IL1RAPL2: variants seen among roughly 807,000 people sequenced by gnomAD.
IL1RAPL2 encodes the protein interleukin 1 receptor accessory protein like 2.
IL1RAPL2 carries 3 observed loss-of-function variants against 44.1 expected under a neutral mutation model. The observed-to-expected ratio is 0.07, with a 90% CI of 0.03 to 0.18. The LOEUF (loss-of-function observed/expected upper bound fraction) is 0.18. Ranked by LOEUF, IL1RAPL2 falls within the 10% of genes least tolerant of loss-of-function variation. IL1RAPL2 has a pLI of 1.00. For missense variants in IL1RAPL2, 391 were observed against 496.4 expected, an observed-to-expected ratio of 0.79 and a Z score of 2.02; for synonymous variants, 181 against 178.8, an observed-to-expected ratio of 1.01 and a Z score of -0.10.
chrX:105,195,821 G>A, intron 3 of IL1RAPL2, 73 bp downstream of exon 3: 1 of 995,493 alleles, frequency 1.0e-6, no homozygotes, highest in Non-Finnish European at 1.4e-6. Context: ...GTACATGTAG[G>A]TATGCCTCAT....
chrX:105,764,742 G>T (rs1232861311), intron 10 of IL1RAPL2, among the ~76,000 whole-genome samples: 1 of 111,064 alleles, frequency 9.0e-6, no homozygotes, highest in African/African-American at 3.3e-5. Flanking sequence ...AGAGGTCGAG[G>T]TTGCAGAGAG....
chrX:105,014,454 C>G (rs1458848691), intron 2 of IL1RAPL2, among the ~76,000 whole-genome samples: 1 of 110,768 alleles, frequency 9.0e-6, no homozygotes, highest in Non-Finnish European at 1.9e-5. Flanking sequence ...CTAATGCTAT[C>G]CCTCCCCTAG....
intron 2 of IL1RAPL2, among the ~76,000 whole-genome samples, chrX:104,919,949 A>G (rs1472020065): frequency 4.5e-5 from 5 of 110,868 alleles, no homozygotes; most frequent in African/African-American, 1.6e-4. Context: ...TGTGACTTGT[A>G]TGTCCTGCAT....
At chrX:105,391,903 C>G (rs1452895291) in intron 5 of IL1RAPL2, among the ~76,000 whole-genome samples, 6 of 85,351 alleles carry the variant, frequency 7.0e-5, no homozygotes, top group Non-Finnish European at 9.0e-5. Flanking sequence ...GAACAAAAAA[C>G]CAAACACCGC....
chrX:105,668,435 T>G (rs996984093), intron 6 of IL1RAPL2, among the ~76,000 whole-genome samples: 4 of 112,691 alleles, frequency 3.5e-5, no homozygotes, highest in African/African-American at 6.5e-5. Flanking sequence ...TTGTCACTAC[T>G]TTTTTGATAA....
intron 2 of IL1RAPL2, among the ~76,000 whole-genome samples, chrX:105,168,653 G>T (rs766464590): frequency 9.0e-6 from 1 of 110,581 alleles, no homozygotes; most frequent in Non-Finnish European, 1.9e-5. Flanking sequence ...CAGAGGAAGA[G>T]CCAATGTTTC....
chrX:104,616,796 C>T (rs1428120955), intron 1 of IL1RAPL2, among the ~76,000 whole-genome samples: 2 of 111,514 alleles, frequency 1.8e-5, no homozygotes, highest in African/African-American at 6.5e-5. Context: ...TAAAAACTCT[C>T]CTCCCTGAAT....
At chrX:104,959,090 C>A (rs1295678586) in intron 2 of IL1RAPL2, among the ~76,000 whole-genome samples, 1 of 110,691 alleles carries the variant, frequency 9.0e-6, no homozygotes, top group Non-Finnish European at 1.9e-5. Flanking sequence ...CAGGGCTTTG[C>A]TTGTACCTCT....
At chrX:104,571,533 A>G (rs1391953269) in intron 1 of IL1RAPL2, among the ~76,000 whole-genome samples, 1 of 111,161 alleles carries the variant, frequency 9.0e-6, no homozygotes, top group Non-Finnish European at 1.9e-5. Context: ...ATCTCACAAG[A>G]TCTGATGGTT....
chrX:105,329,591 A>G (rs1048265678), intron 5 of IL1RAPL2, among the ~76,000 whole-genome samples: 2 of 111,808 alleles, frequency 1.8e-5, no homozygotes, highest in Non-Finnish European at 3.8e-5. Flanking sequence ...TGGGATAAAA[A>G]CTTTCAAATG....
chrX:105,412,209 G>A (rs1379782670), intron 5 of IL1RAPL2, among the ~76,000 whole-genome samples: 2 of 109,242 alleles, frequency 1.8e-5, no homozygotes, highest in East Asian at 5.7e-4. Flanking sequence ...AAAAGAAGAA[G>A]TATCTGACTC....
rs2038718196 is a variant in IL1RAPL2 at position 105,764,994 on chromosome X, G to C, written c.1364-1970G>C. Among the ~76,000 whole-genome samples, 3 of 110,967 alleles carry C rather than the reference G, an allele frequency of 2.7e-5. No homozygotes were observed. In the South Asian group the frequency reaches 1.1e-3, roughly 42 times the overall value. On this transcript the variant is annotated intron_variant, in intron 10 of 10. Coordinates refer to ENST00000372582, the MANE Select transcript of IL1RAPL2 (RefSeq NM_017416.2). ...ACAATACTACTCAAAGTAACCCCTT[G>C]GTAAATTATTTTGTGAAGAATGATT...
Position 105,079,255 on chromosome X carries a change from G to A in IL1RAPL2, c.83-116220G>A, listed in dbSNP as rs776333683. Among the ~76,000 whole-genome samples, 301 of 111,469 alleles carry A rather than the reference G, an allele frequency of 2.7e-3. 2 individuals are homozygous for A. The highest frequency in any genetic ancestry group is 9.6e-3 in the African/African-American group (295 of 30,680). ...ATTAGTTCAACCATTGTGGAAGACA[G>A]TGTGGAGATTCCTCAAGGATCTAGA... On this transcript the variant is annotated intron_variant, in intron 2 of 10. Transcript: ENST00000372582.
At chrX:104,989,746 AG>A (rs931721336) in intron 2 of IL1RAPL2, among the ~76,000 whole-genome samples, 3 of 108,840 alleles carry the variant, frequency 2.8e-5, no homozygotes, top group African/African-American at 1.1e-4. Context: ...GCACAATAAA[AG>A]GTAAAAAAAA....
rs199924875 is a variant in IL1RAPL2, at chrX:104,916,647, T to A, written c.82+257652T>A. ...AGAGAGGGCATCCCTGTCTTGTGCCTGTTTTCAAAGGGAATGCTTCCAGTT... is the reference window on the plus strand; with the variant it reads ...AGAGAGGGCATCCCTGTCTTGTGCCAGTTTTCAAAGGGAATGCTTCCAGTT... On this transcript the variant is annotated intron_variant, in intron 2 of 10. Coordinates refer to ENST00000372582, the MANE Select transcript of IL1RAPL2 (RefSeq NM_017416.2). Among the ~76,000 whole-genome samples, 33 of 111,558 alleles carry A rather than the reference T, an allele frequency of 3.0e-4. No homozygotes were observed. In the East Asian group the frequency reaches 6.0e-3, roughly 20 times the overall value.
intron 3 of IL1RAPL2, chrX:105,219,742 T>C: frequency 1.7e-6 from 2 of 1,198,935 alleles, no homozygotes; most frequent in Middle Eastern, 2.3e-4. Flanking sequence ...CTCCCACTCA[T>C]GGGGAGACAC....
At chrX:105,402,031 T>C (rs1204321983) in intron 5 of IL1RAPL2, among the ~76,000 whole-genome samples, 1 of 111,094 alleles carries the variant, frequency 9.0e-6, no homozygotes, top group Admixed American at 9.6e-5. Flanking sequence ...AAAATTAAAC[T>C]ATTACTATGT....
At chrX:105,579,242 CT>C (rs2037071681) in intron 6 of IL1RAPL2, among the ~76,000 whole-genome samples, 1 of 111,497 alleles carries the variant, frequency 9.0e-6, no homozygotes, top group African/African-American at 3.3e-5. Context: ...ATTTTGCAAC[CT>C]GTAAAATTAA....
rs775024261 is a variant in IL1RAPL2, at chrX:105,267,549, T to C, written c.697+8T>C. ...CTGAATTGAAAGTTACAGGTAGGAA[T>C]CAGTTCTACAAAATTACGGCAAATG... On this transcript the variant is annotated splice_region_variant and intron_variant, in intron 5 of 10. Transcript: ENST00000372582. 6 of 1,165,719 alleles carry C rather than the reference T, an allele frequency of 5.1e-6. No homozygotes were observed. In the South Asian group the frequency reaches 1.2e-4, roughly 23 times the overall value.
Sources: gnomAD v4.1 joint callset for allele counts (sites outside exome capture counted in the v4.1 genomes callset) on GRCh38, gnomAD v4.1.1 for gene constraint, MANE v1.5 for transcripts, NCBI Gene and HGNC (gene_info 2026-07-23, HGNC 2026-07-21) for gene names.